UBR4: variants seen among roughly 807,000 people sequenced by gnomAD.
The protein encoded by UBR4 is ubiquitin protein ligase E3 component n-recognin 4.
Under a neutral mutation model 575.6 loss-of-function variants are expected in UBR4, and 124 were observed. That is an observed-to-expected ratio of 0.22 (90% CI 0.19 to 0.25). The LOEUF (loss-of-function observed/expected upper bound fraction) is 0.25, where lower values mean the gene tolerates loss of function less well. Among genes scored for constraint, UBR4 ranks in the 10% least tolerant of loss-of-function variants. The probability of loss-of-function intolerance (pLI) is 1.00; values close to 1 mark genes in which losing one functional copy is unlikely to be tolerated. For missense variants in UBR4, 4,818 were observed against 6,478.8 expected (o/e 0.74, Z 8.80); for synonymous variants, 2,455 against 2,473.7 (o/e 0.99, Z 0.22).
intron 73 of UBR4, among the ~76,000 whole-genome samples, chr1:19,116,534 T>C (rs2149395561): frequency 6.6e-6 from 1 of 152,298 alleles, no homozygotes; most frequent in East Asian, 1.9e-4. Flanking sequence ...ACAGCAATAC[T>C]TCCATCCTGT....
chr1:19,175,656 A>G (rs1022397206), intron 20 of UBR4, among the ~76,000 whole-genome samples: 8 of 152,218 alleles, frequency 5.3e-5, no homozygotes, highest in Non-Finnish European at 5.9e-5. Context: ...ACCCAAAAGG[A>G]AATTTAGCTA....
intron 85 of UBR4, 81 bp from the exon 86 acceptor site, chr1:19,104,747 C>T: frequency 7.2e-7 from 1 of 1,395,920 alleles, no homozygotes; most frequent in Admixed American, 1.9e-5. Context: ...CAGGAGCTTG[C>T]AGCACCAGAC....
chr1:19,141,002 C>T, intron 57 of UBR4, 110 bp from the exon 58 acceptor site: 1 of 1,191,386 alleles, frequency 8.4e-7, no homozygotes. Context: ...ATGTGACCCC[C>T]TCTGGCCTAG....
chr1:19,139,161 A>C lies in UBR4; in HGVS notation c.8653T>G (p.Ser2885Ala). 1 of 1,613,884 alleles carries C rather than the reference A, an allele frequency of 6.2e-7. No individual in the cohort carries two copies. The highest frequency in any genetic ancestry group is 8.5e-7 in the Non-Finnish European group (1 of 1,179,918). The change falls in exon 59 of 106, where the codon TCT becomes GCT. Residue 2885 changes from serine to alanine, a missense_variant. Ser to Ala is a moderately conservative substitution (Grantham distance 99). Around this residue, in one of 29 missense-constraint regions of UBR4, gnomAD observed 57 missense variants for 101.5 expected, o/e 0.56. Transcript: ENST00000375254. This position sits in a 1 kb window ranked among gnomAD's most constrained non-coding sequence, Gnocchi z 4.2. ...ACACTACCACCGTGGTCAGCAGGAG[A>C]GGTCCGAAGGGTAGAACCATCTGTC... The part of the protein sequence containing the change: ...AATDGSTLRT[S>A]PADHGGSVGS...
In UBR4 at chr1:19,086,343, C is replaced by T. The variant is rs1000088939; in HGVS notation, c.14688-73G>A. ...GCAACCAGGCACCTGGGCGGGGGGGCGGGGGTGGGGGTGGGGGCATGCCAA... is the reference window on the plus strand; with the variant it reads ...GCAACCAGGCACCTGGGCGGGGGGGTGGGGGTGGGGGTGGGGGCATGCCAA... On this transcript the variant is annotated intron_variant, in intron 100 of 105. Coordinates refer to ENST00000375254, the MANE Select transcript of UBR4 (RefSeq NM_020765.3). 5.0e-4 allele frequency: 10 copies of T among 19,938 alleles called. No individual in the cohort carries two copies. In the Admixed American group the frequency reaches 0.017, roughly 35 times the overall value. The allele number at this position is 19,938 out of a possible 1,614,324, so 1.2% of individuals were successfully genotyped here. A position where few individuals can be genotyped will look rare whatever the true frequency, so the allele number is the denominator to read the frequency against.
chr1:19,155,698 G>A (rs754170648), intron 42 of UBR4, 30 bp from the exon 43 acceptor site: 26 of 1,584,580 alleles, frequency 1.6e-5, no homozygotes, highest in Non-Finnish European at 2.3e-5. Context: ...TTAAATAAGG[G>A]AAATCTATCT....
intron 60 of UBR4, among the ~76,000 whole-genome samples, chr1:19,131,869 G>A (rs779110999): frequency 1.3e-4 from 20 of 152,172 alleles, no homozygotes; most frequent in Admixed American, 3.3e-4. Context: ...GTGAAACTAC[G>A]TCTGAAAAAA....
At chr1:19,074,990 TG>T in intron 105 of UBR4, 94 bp from the exon 106 acceptor site, 1 of 1,361,462 alleles carries the variant, frequency 7.3e-7, no homozygotes, top group Non-Finnish European at 1.0e-6. Flanking sequence ...GAGAACACAC[TG>T]CGGTCCGACA....
chr1:19,169,034 G>A lies in UBR4; in HGVS notation c.3741+401C>T, dbSNP rs375233721. On this transcript the variant is annotated intron_variant, in intron 27 of 105. Transcript: ENST00000375254. ...CTAAAAGCCTAGAGAAGCTAAAAGC[G>A]ACCCTGTAAAACTGTTACAAAAGGA... Among the ~76,000 whole-genome samples, 54 of 151,112 alleles carry A rather than the reference G, an allele frequency of 3.6e-4. No homozygotes were observed. The South Asian group carries it at 9.0e-3, about 25-fold the overall frequency.
rs1234725597 is a variant in UBR4 at position 19,118,955 on chromosome 1, C to T, written c.10458G>A (p.Leu3486=). The part of the protein sequence containing the change: ...SLKTPQTEKK[L]KEYSQKAVEI... The stretch of plus-strand genomic sequence containing the variant: ...CCACAGCCTTCTGTGAATACTCCTT[C>T]AACTGAAACAGAATTCAGTAAAGAA... Residue 3486 remains leucine (L), a splice_region_variant and synonymous_variant, in exon 71 of 106, where the codon TTG becomes TTA. Transcript: ENST00000375254. 1 of 1,613,978 alleles carries T rather than the reference C, an allele frequency of 6.2e-7. No individual in the cohort carries two copies. Among genetic ancestry groups the T allele is most frequent in the Admixed American group, 1.7e-5 (1 of 59,996 alleles).
Position 19,089,470 on chromosome 1 carries a change from G to T in UBR4, c.14212-493C>A, listed in dbSNP as rs2077311887. ...AGGAGCACAGTTTTCTCAGGCTAGG[G>T]ATACTAGAGGTGCAATGACTACAAG... On this transcript the variant is annotated intron_variant, in intron 97 of 105. Transcript: ENST00000375254. This position sits in a 1 kb window ranked among gnomAD's most constrained non-coding sequence, Gnocchi z 4.3. 6.6e-6 allele frequency among the ~76,000 whole-genome samples: 1 copy of T among 152,192 alleles called. No homozygotes were observed. The highest frequency in any genetic ancestry group is 1.5e-5 in the Non-Finnish European group (1 of 68,028).
rs2087898925 is a variant in UBR4, at chr1:19,164,201, C to T, written c.4700+52G>A. 8.3e-6 allele frequency: 13 copies of T among 1,559,702 alleles called. No individual in the cohort carries two copies. In the South Asian group the frequency reaches 1.3e-4, roughly 16 times the overall value. Reference sequence around the variant, plus strand: ...CACTTTGAGCTATAAAGAAAGTAACCCACTTCTCAAGATCAATGTTGTAAC... The same window carrying T: ...CACTTTGAGCTATAAAGAAAGTAACTCACTTCTCAAGATCAATGTTGTAAC... On this transcript the variant is annotated intron_variant, in intron 33 of 105. Coordinates refer to ENST00000375254, the MANE Select transcript of UBR4 (RefSeq NM_020765.3).
chr1:19,187,087 T>TATATATATACATATATATATC (rs2091611398), intron 13 of UBR4, 77 bp downstream of exon 13: 1 of 913,756 alleles, frequency 1.1e-6, no homozygotes, highest in Non-Finnish European at 1.4e-6. Flanking sequence ...TATATATATA[T>TATATATATACATATATATATC]ATATATATAC....
chr1:19,136,340 T>C (rs1411993403), intron 60 of UBR4, among the ~76,000 whole-genome samples: 1 of 152,114 alleles, frequency 6.6e-6, no homozygotes, highest in East Asian at 1.9e-4. Context: ...TAAGAAGACA[T>C]TAAAAAAGTT....
rs372841260 is a variant in UBR4 at position 19,173,468 on chromosome 1, G to A, written c.3136C>T (p.Arg1046Trp). The change falls in exon 23 of 106, where the codon CGG becomes TGG. Residue 1046 changes from arginine to tryptophan, a missense_variant. By Grantham distance (101) the Arg-to-Trp change is moderately radical. Coordinates refer to ENST00000375254, the MANE Select transcript of UBR4 (RefSeq NM_020765.3). ...ATCCAGTTGACATAGGAGCTGATCC[G>A]GAGCCGAGAAGACCATCGCAGAGTG... ...LHTLRWSSRL[R>W]ISSYVNWIKD... 8.7e-6 allele frequency: 14 copies of A among 1,614,072 alleles called. No individual in the cohort carries two copies. Among genetic ancestry groups the A allele is most frequent in the Middle Eastern group, 1.7e-4 (1 of 6,060 alleles).
chr1:19,164,562 C>T lies in UBR4; in HGVS notation c.4512-121G>A, dbSNP rs77008007. 1.8e-3 allele frequency: 2,157 copies of T among 1,228,758 alleles called. 37 individuals carry two copies. The African/African-American group carries it at 0.03, about 17-fold the overall frequency. 76.1% of individuals were successfully genotyped at this position (1,228,758 alleles called of 1,614,324 possible). On this transcript the variant is annotated intron_variant, in intron 32 of 105. Transcript: ENST00000375254. ...CTACAATACCAATCCCAGCTTTGGACTTGGGCTAGTAGAGCATAAAACATT... is the reference window on the plus strand; with the variant it reads ...CTACAATACCAATCCCAGCTTTGGATTTGGGCTAGTAGAGCATAAAACATT...
intron 25 of UBR4, among the ~76,000 whole-genome samples, chr1:19,172,101 C>A (rs185994163): frequency 4.3e-4 from 66 of 152,290 alleles, no homozygotes; most frequent in African/African-American, 1.5e-3. Context: ...AAACATCATA[C>A]AGACCAAAGT....
chr1:19,094,758 C>A, intron 94 of UBR4, 148 bp downstream of exon 94: 1 of 1,070,238 alleles, frequency 9.3e-7, no homozygotes, highest in South Asian at 1.6e-5. Flanking sequence ...ACAATTATGT[C>A]ATCATTAGTT....
In UBR4 at chr1:19,093,162, A is replaced by G; in HGVS notation, c.14111+151T>C. ...AGCCCCGAGGACTCTGCAGTGGTTG[A>G]ATGGTCACCCACATAGTTTCCAGAA... On this transcript the variant is annotated intron_variant, in intron 96 of 105. Transcript: ENST00000375254. This position sits in a 1 kb window ranked among gnomAD's most constrained non-coding sequence, Gnocchi z 4.8. The G allele has an allele frequency of 8.8e-7, 1 of 1,140,052 alleles. No homozygotes were observed. Among genetic ancestry groups the G allele is most frequent in the Non-Finnish European group, 1.3e-6 (1 of 794,776 alleles). 70.6% of individuals were successfully genotyped at this position (1,140,052 alleles called of 1,614,324 possible).
Sources: allele counts gnomAD v4.1 joint callset (sites outside exome capture counted in the v4.1 genomes callset), GRCh38; gene constraint gnomAD v4.1.1; regional missense constraint gnomAD v4.1.1; non-coding constraint Gnocchi (gnomAD v3.1); transcripts MANE v1.5; gene names NCBI Gene and HGNC (gene_info 2026-07-23, HGNC 2026-07-21).